Variants in ZNF468 observed in about 807,000 individuals in gnomAD.
The protein encoded by ZNF468 is zinc finger protein 468, also known as zinc finger protein ZNF468.
A neutral mutation model predicts 7.2 loss-of-function variants in ZNF468; 8 were observed. The observed-to-expected ratio is 1.11, with a 90% CI of 0.65 to 2.01. The LOEUF (loss-of-function observed/expected upper bound fraction) is 2.01, where lower values mean the gene tolerates loss of function less well. Among genes scored for constraint, ZNF468 ranks in the 30% most tolerant of loss-of-function variants. The pLI is 0.00. For synonymous variants in ZNF468, 218 were observed against 214.4 expected, an observed-to-expected ratio of 1.02 and a Z score of -0.15; for missense variants, 608 against 626.5, an observed-to-expected ratio of 0.97 and a Z score of 0.31.
At position 52,840,317 on chromosome 19, in the gene ZNF468, G is replaced by A; in HGVS notation, c.*408C>T. On this transcript the variant is annotated 3_prime_UTR_variant, in exon 4 of 4. Coordinates refer to ENST00000595646, the MANE Select transcript of ZNF468 (RefSeq NM_001008801.2). The stretch of plus-strand genomic sequence containing the variant: ...GTTTCTCTCCACTATGAATTACAAG[G>A]TGTGAATTTTGACCTTTTAATTACA... 1 of 410,784 alleles carries A rather than the reference G, an allele frequency of 2.4e-6. No homozygotes were observed. The highest frequency in any genetic ancestry group is 4.7e-6 in the Non-Finnish European group (1 of 211,052). The allele number at this position is 410,784 out of a possible 1,614,324, so 25.4% of individuals were successfully genotyped here.
intron 3 of ZNF468, among the ~76,000 whole-genome samples, chr19:52,848,017 C>T (rs552965539): frequency 1.3e-5 from 2 of 152,284 alleles, no homozygotes; most frequent in African/African-American, 4.8e-5. Flanking sequence ...GAAATACCCA[C>T]AGGTATGGAG....
intron 3 of ZNF468, among the ~76,000 whole-genome samples, chr19:52,842,597 C>G (rs1420742006): frequency 1.3e-5 from 2 of 151,794 alleles, no homozygotes; most frequent in Non-Finnish European, 2.9e-5. Flanking sequence ...GTAAGAATAA[C>G]CAAAATTAGT....
intron 2 of ZNF468, chr19:52,854,047 C>G (rs183357663): frequency 1.6e-4 from 241 of 1,500,974 alleles, no homozygotes; most frequent in Non-Finnish European, 1.9e-4. Flanking sequence ...GAGCCCTTCC[C>G]AGGACCTGCC....
chr19:52,850,223 T>G lies in ZNF468; in HGVS notation c.16-1010A>C, dbSNP rs939210831. On this transcript the variant is annotated intron_variant, in intron 2 of 3. Transcript: ENST00000595646. ...CTCATCTTGCTGGAAAAGGATACTT[T>G]GGCAGTTGTGGGCAGGGGGAATCTT... Among the ~76,000 whole-genome samples the G allele has an allele frequency of 4.6e-5, 7 of 152,284 alleles. No homozygotes were observed. The East Asian group carries it at 1.2e-3, about 25-fold the overall frequency.
Position 52,840,435 on chromosome 19 carries a change from G to T in ZNF468, c.*290C>A. 1.7e-6 allele frequency: 1 copy of T among 599,602 alleles called. No individual in the cohort carries two copies. Among genetic ancestry groups the T allele is most frequent in the Non-Finnish European group, 3.0e-6 (1 of 333,204 alleles). The allele number at this position is 599,602 out of a possible 1,614,324, so 37.1% of individuals were successfully genotyped here. A position where few individuals can be genotyped will look rare whatever the true frequency, so the allele number is the denominator to read the frequency against. Reference sequence around the variant, plus strand: ...AATTCTAGTATGTTTTGCCAGATATGCATTATATGCAAAAACCTTGTCACA... The same window carrying T: ...AATTCTAGTATGTTTTGCCAGATATTCATTATATGCAAAAACCTTGTCACA... On this transcript the variant is annotated 3_prime_UTR_variant, in exon 4 of 4. Transcript: ENST00000595646.
In ZNF468 at chr19:52,849,130, G is replaced by A; in HGVS notation, c.99C>T (p.Tyr33=). 1 of 1,614,008 alleles carries A rather than the reference G, an allele frequency of 6.2e-7. No homozygotes were observed. The highest frequency in any genetic ancestry group is 8.5e-7 in the Non-Finnish European group (1 of 1,179,942). Residue 33 remains tyrosine (Y), a synonymous_variant, in exon 3 of 4, where the codon TAC becomes TAT. Transcript: ENST00000595646. ...TATAATTCTCCAGCATCACGTCCCT[G>A]TATAAAGTCCTCTGAGCAGGGTCCA... ...KCLDPAQRTL[Y]RDVMLENYRN... is the part of the protein sequence containing the mutation.
Position 52,839,469 on chromosome 19 carries a change from A to C in ZNF468, c.*1256T>G. ...AAATCAATGTTAAATCAACAAACTCAGGTCAAGGCTGATTTGACTCTAATG... is the reference window on the plus strand; with the variant it reads ...AAATCAATGTTAAATCAACAAACTCCGGTCAAGGCTGATTTGACTCTAATG... On this transcript the variant is annotated 3_prime_UTR_variant, in exon 4 of 4. Coordinates refer to ENST00000595646, the MANE Select transcript of ZNF468 (RefSeq NM_001008801.2). 1 of 420,056 alleles carries C rather than the reference A, an allele frequency of 2.4e-6. No homozygotes were observed. The allele number at this position is 420,056 out of a possible 1,614,324, so 26.0% of individuals were successfully genotyped here.
chr19:52,850,675 G>A (rs1298759763), intron 2 of ZNF468, among the ~76,000 whole-genome samples: 2 of 151,450 alleles, frequency 1.3e-5, no homozygotes, highest in East Asian at 1.9e-4. Flanking sequence ...CGAGGTGGGC[G>A]GATCACGAGG....
At chr19:52,851,520 T>C (rs1284095089) in intron 2 of ZNF468, among the ~76,000 whole-genome samples, 2 of 152,010 alleles carry the variant, frequency 1.3e-5, no homozygotes, top group East Asian at 3.9e-4. Context: ...GAGGTTGCAG[T>C]GAGCCGAGAA....
In ZNF468 at chr19:52,840,490, T is replaced by G; in HGVS notation, c.*235A>C. 1.1e-6 allele frequency: 1 copy of G among 883,592 alleles called. No homozygotes were observed. Among genetic ancestry groups the G allele is most frequent in the Non-Finnish European group, 1.8e-6 (1 of 560,558 alleles). 54.7% of individuals were successfully genotyped at this position (883,592 alleles called of 1,614,324 possible). Reference sequence around the variant, plus strand: ...TTACCTCTGTATGGTTTCTCTTCAATGTGAATTTTCTTATGTGTTTTAAGG... The same window carrying G: ...TTACCTCTGTATGGTTTCTCTTCAAGGTGAATTTTCTTATGTGTTTTAAGG... On this transcript the variant is annotated 3_prime_UTR_variant, in exon 4 of 4. Transcript: ENST00000595646.
chr19:52,846,938 C>T (rs1265444318), intron 3 of ZNF468, among the ~76,000 whole-genome samples: 7 of 151,948 alleles, frequency 4.6e-5, no homozygotes, highest in Non-Finnish European at 7.4e-5. Context: ...GAGGCGGAGG[C>T]TGCAGTTAGC....
intron 3 of ZNF468, among the ~76,000 whole-genome samples, chr19:52,842,954 G>A (rs1255566131): frequency 2.0e-5 from 3 of 150,022 alleles, no homozygotes; most frequent in Non-Finnish European, 3.0e-5. Context: ...AAACCCCGTC[G>A]CTACTAAAGA....
Position 52,838,753 on chromosome 19 carries a change from AGTAAG to A in ZNF468, c.*1967_*1971del, listed in dbSNP as rs1371517600. On this transcript the variant is annotated 3_prime_UTR_variant, in exon 4 of 4. Coordinates refer to ENST00000595646, the MANE Select transcript of ZNF468 (RefSeq NM_001008801.2). Reference sequence around the variant, plus strand: ...CAATTCCATTTGCTAAAGAACTTAAAGTAAGAAATATTTAGGAATAAACATAAAAA... The same window carrying A: ...CAATTCCATTTGCTAAAGAACTTAAAAAATATTTAGGAATAAACATAAAAA... 1 of 152,286 alleles carries A rather than the reference AGTAAG, an allele frequency of 6.6e-6. No individual in the cohort carries two copies. The highest frequency in any genetic ancestry group is 1.5e-5 in the Non-Finnish European group (1 of 68,044). The allele number at this position is 152,286 out of a possible 1,614,324, so 9.4% of individuals were successfully genotyped here.
At position 52,840,948 on chromosome 19, in the gene ZNF468, T is replaced by C. The variant is rs140223089; in HGVS notation, c.1346A>G (p.Gln449Arg). 164 of 1,613,916 alleles carry C rather than the reference T, an allele frequency of 1.0e-4. No individual in the cohort carries two copies. In the African/African-American group the frequency reaches 1.5e-3, roughly 15 times the overall value. ...YKCKVCDKAF[Q>R]RDSHLAQHQR... Reference sequence around the variant, plus strand: ...ATGTTGTGCCAGGTGTGAATCCCTCTGGAAAGCCTTGTCACAAACCTTACA... The same window carrying C: ...ATGTTGTGCCAGGTGTGAATCCCTCCGGAAAGCCTTGTCACAAACCTTACA... Residue 449 changes from glutamine (Q) to arginine (R), a missense_variant, in exon 4 of 4, where the codon CAG (glutamine) becomes CGG (arginine). Physicochemically the swap from Gln to Arg is conservative, Grantham distance 43 (BLOSUM62 1). Coordinates refer to ENST00000595646, the MANE Select transcript of ZNF468 (RefSeq NM_001008801.2).
rs1346188167 is a variant in ZNF468 at position 52,839,730 on chromosome 19, CTA to C, written c.*993_*994del. On this transcript the variant is annotated 3_prime_UTR_variant, in exon 4 of 4. Transcript: ENST00000595646. ...AGGTTTCTCTCCTGTATGAATCCTCCTATGTTTTGCATAGGATGAAGCTTGAC... is the reference window on the plus strand; with the variant it reads ...AGGTTTCTCTCCTGTATGAATCCTCCTGTTTTGCATAGGATGAAGCTTGAC... 9 of 519,356 alleles carry C rather than the reference CTA, an allele frequency of 1.7e-5. No homozygotes were observed. Among genetic ancestry groups the C allele is most frequent in the East Asian group, 5.3e-5 (1 of 18,808 alleles). 32.2% of individuals were successfully genotyped at this position (519,356 alleles called of 1,614,324 possible). A position where few individuals can be genotyped will look rare whatever the true frequency, so the allele number is the denominator to read the frequency against.
At position 52,841,344 on chromosome 19, in the gene ZNF468, T is replaced by C. The variant is rs779391270; in HGVS notation, c.950A>G (p.His317Arg). Reference protein sequence around the residue: ...VFSRKSHLERHKRIHTGEKPY... With the variant: ...VFSRKSHLERRKRIHTGEKPY... ...TTTCTCTCCAGTATGAATCCTCTTATGTCTTTCAAGGTGTGATTTGCGACT... is the reference window on the plus strand; with the variant it reads ...TTTCTCTCCAGTATGAATCCTCTTACGTCTTTCAAGGTGTGATTTGCGACT... The change falls in exon 4 of 4, where the codon CAT (histidine) becomes CGT (arginine). Residue 317 changes from histidine to arginine, a missense_variant. Physicochemically the swap from His to Arg is conservative, Grantham distance 29. Transcript: ENST00000595646. The C allele has an allele frequency of 3.1e-6, 5 of 1,613,912 alleles. No homozygotes were observed. The East Asian group carries it at 6.7e-5, about 22-fold the overall frequency.
At chr19:52,855,009 A>G (rs1239300816) in intron 1 of ZNF468, among the ~76,000 whole-genome samples, 3 of 143,634 alleles carry the variant, frequency 2.1e-5, no homozygotes, top group Admixed American at 6.8e-5. Flanking sequence ...TCAAAAATAA[A>G]ATAAAATACA....
In ZNF468 at chr19:52,855,872, G is replaced by T. The variant is rs570566538; in HGVS notation, c.-73-1527C>A. On this transcript the variant is annotated intron_variant, in intron 1 of 3. Transcript: ENST00000595646. ...GCCCTTCGTCGCAAAGATGCAGGGA[G>T]GTTCACTGGGGCTCAGAGCTGGAAA... Among the ~76,000 whole-genome samples, 13 of 152,356 alleles carry T rather than the reference G, an allele frequency of 8.5e-5. No homozygotes were observed. The South Asian group carries it at 2.7e-3, about 32-fold the overall frequency.
At chr19:52,852,107 T>G (rs1190953352) in intron 2 of ZNF468, among the ~76,000 whole-genome samples, 4 of 152,000 alleles carry the variant, frequency 2.6e-5, no homozygotes, top group African/African-American at 9.7e-5. Context: ...GGCTCACACT[T>G]GTAATCTCAG....
Sources: allele counts gnomAD v4.1 joint callset (sites outside exome capture counted in the v4.1 genomes callset), GRCh38; gene constraint gnomAD v4.1.1; transcripts MANE v1.5; gene names NCBI Gene and HGNC (gene_info 2026-07-23, HGNC 2026-07-21).